The following NSD2 variants were observed in gnomAD, a reference collection of about 807,000 sequenced individuals.
NSD2 encodes the protein nuclear receptor binding SET domain protein 2, also known as histone-lysine N-methyltransferase NSD2.
NSD2 carries 12 observed loss-of-function variants against 139.0 expected under a neutral mutation model. The observed-to-expected ratio is 0.09, with a 90% CI of 0.06 to 0.14. The LOEUF (loss-of-function observed/expected upper bound fraction) is 0.14. Among genes scored for constraint, NSD2 ranks in the 10% least tolerant of loss-of-function variants. The pLI, the probability that NSD2 is intolerant of heterozygous loss-of-function variation, is 1.00. For synonymous variants in NSD2, 669 were observed against 648.7 expected (o/e 1.03, Z -0.48); for missense variants, 1,155 against 1,745.0 (o/e 0.66, Z 6.02).
In NSD2 at chr4:1,979,951, G is replaced by T. The variant is rs1216547413; in HGVS notation, c.*1042G>T. The stretch of plus-strand genomic sequence containing the variant: ...CTGCAGGCCCCGGGGACCCCAGCAC[G>T]TGGGTCTAAAGAGAGACGGAGTCTA... On this transcript the variant is annotated 3_prime_UTR_variant, in exon 22 of 22. Coordinates refer to ENST00000508803, the MANE Select transcript of NSD2 (RefSeq NM_001042424.3). 1.3e-5 allele frequency: 3 copies of T among 232,414 alleles called. No homozygotes were observed. The highest frequency in any genetic ancestry group is 6.1e-5 in the East Asian group (1 of 16,510). The allele number at this position is 232,414 out of a possible 1,614,324, so 14.4% of individuals were successfully genotyped here. A position where few individuals can be genotyped will look rare whatever the true frequency, so the allele number is the denominator to read the frequency against.
chr4:1,962,209 G>A (rs922496964), intron 18 of NSD2, among the ~76,000 whole-genome samples: 1 of 152,238 alleles, frequency 6.6e-6, no homozygotes, highest in African/African-American at 2.4e-5. Flanking sequence ...TGGGCTCTGT[G>A]TCAATCACAG....
chr4:1,920,738 AAAAAG>A (rs1720006925), intron 5 of NSD2, among the ~76,000 whole-genome samples: 1 of 151,930 alleles, frequency 6.6e-6, no homozygotes, highest in African/African-American at 2.4e-5. Context: ...TCTGTCTCAT[AAAAAG>A]AAAAGAAAGG....
intron 3 of NSD2, 96 bp downstream of exon 3, chr4:1,904,474 C>A: frequency 7.4e-7 from 1 of 1,353,800 alleles, no homozygotes; most frequent in Non-Finnish European, 1.0e-6. Flanking sequence ...AATAGCCCTG[C>A]TATGGTTCAT....
At chr4:1,975,145 T>C (rs933465180) in intron 19 of NSD2, 141 bp downstream of exon 19, 3 of 1,452,220 alleles carry the variant, frequency 2.1e-6, no homozygotes, top group African/African-American at 1.4e-5. Context: ...TGAATATCTC[T>C]TTTACCAAGC....
intron 18 of NSD2, 95 bp downstream of exon 18, chr4:1,961,246 A>G (rs1725336866): frequency 1.0e-6 from 1 of 957,806 alleles, no homozygotes; most frequent in Non-Finnish European, 1.6e-6. Context: ...TGGCAGCGCC[A>G]GCATTTGTCT....
At chr4:1,933,258 T>TA in intron 6 of NSD2, among the ~76,000 whole-genome samples, 1 of 152,100 alleles carries the variant, frequency 6.6e-6, no homozygotes, top group East Asian at 1.9e-4. Context: ...CACGGACACT[T>TA]ACTTGTACCT....
chr4:1,901,095 T>G lies in NSD2; in HGVS notation c.441T>G (p.Ser147Arg). 5 of 1,614,192 alleles carry G rather than the reference T, an allele frequency of 3.1e-6. No individual in the cohort carries two copies. Among genetic ancestry groups the G allele is most frequent in the Non-Finnish European group, 4.2e-6 (5 of 1,180,030 alleles). Residue 147 changes from serine (S) to arginine (R), a missense_variant, in exon 2 of 22, where the codon AGT becomes AGG. Ser to Arg is a moderately radical substitution (Grantham distance 110). This residue lies in a region of NSD2 where 246 missense variants were observed against 262.8 expected (regional missense o/e 0.94). Coordinates refer to ENST00000508803, the MANE Select transcript of NSD2 (RefSeq NM_001042424.3). ...TTGAATCTTCCATTTGTGGTGACAGTGCTGCTGATGTGTCTCAGTCAGAAG... is the reference window on the plus strand; with the variant it reads ...TTGAATCTTCCATTTGTGGTGACAGGGCTGCTGATGTGTCTCAGTCAGAAG... Reference protein sequence around the residue: ...PLFESSICGDSAADVSQSEEN... With the variant: ...PLFESSICGDRAADVSQSEEN...
Position 1,976,719 on chromosome 4 carries a change from T to C in NSD2, c.3826+40T>C. 6.5e-7 allele frequency: 1 copy of C among 1,534,108 alleles called. No homozygotes were observed. Among genetic ancestry groups the C allele is most frequent in the Non-Finnish European group, 8.8e-7 (1 of 1,137,812 alleles). Reference sequence around the variant, plus strand: ...TCGCGGTGGCTTGCAGCTGTGTCTGTGTGGCAGGCTCCTGATGGCGGCTGC... The same window carrying C: ...TCGCGGTGGCTTGCAGCTGTGTCTGCGTGGCAGGCTCCTGATGGCGGCTGC... On this transcript the variant is annotated intron_variant, in intron 21 of 21. Coordinates refer to ENST00000508803, the MANE Select transcript of NSD2 (RefSeq NM_001042424.3). This position sits in a 1 kb window ranked among gnomAD's most constrained non-coding sequence, Gnocchi z 5.3.
intron 5 of NSD2, among the ~76,000 whole-genome samples, chr4:1,921,327 C>T (rs751123157): frequency 1.3e-5 from 2 of 151,506 alleles, no homozygotes; most frequent in African/African-American, 2.4e-5. Flanking sequence ...GGCATGGTGG[C>T]GTGCGCCTGT....
At position 1,942,579 on chromosome 4, in the gene NSD2, T is replaced by G; in HGVS notation, c.1881+2801T>G. The G allele has an allele frequency of 7.4e-7, 1 of 1,349,066 alleles. No homozygotes were observed. The highest frequency in any genetic ancestry group is 9.5e-7 in the Non-Finnish European group (1 of 1,049,034). 83.6% of individuals were successfully genotyped at this position (1,349,066 alleles called of 1,614,324 possible). A position where few individuals can be genotyped will look rare whatever the true frequency, so the allele number is the denominator to read the frequency against. On this transcript the variant is annotated intron_variant, in intron 9 of 21. Coordinates refer to ENST00000508803, the MANE Select transcript of NSD2 (RefSeq NM_001042424.3). This position sits in a 1 kb window ranked among gnomAD's most constrained non-coding sequence, Gnocchi z 4.0. ...TTTAAGACCAAGGTAAGATAACTAA[T>G]CAAGGCCATTTAATCCGTCACATTC...
chr4:1,953,264 T>G (rs755613185), intron 11 of NSD2, 60 bp from the exon 12 acceptor site: 1 of 1,613,968 alleles, frequency 6.2e-7, no homozygotes, highest in Middle Eastern at 1.6e-4. Flanking sequence ...GGCTCAGAAC[T>G]GCAATTTAAT....
chr4:1,878,385 G>A (rs970686511), intron 1 of NSD2, among the ~76,000 whole-genome samples: 13 of 149,646 alleles, frequency 8.7e-5, no homozygotes, highest in African/African-American at 1.5e-4. Context: ...TCGGATTACA[G>A]GCGTAAGCCA....
chr4:1,872,155 C>T (rs1244616853), intron 1 of NSD2, among the ~76,000 whole-genome samples: 3 of 152,042 alleles, frequency 2.0e-5, no homozygotes, highest in Non-Finnish European at 2.9e-5. Context: ...GGACGCTCCC[C>T]CGGGAAGCCG....
chr4:1,905,259 G>A (rs1297044416), intron 3 of NSD2, among the ~76,000 whole-genome samples: 1 of 152,252 alleles, frequency 6.6e-6, no homozygotes, highest in Non-Finnish European at 1.5e-5. Flanking sequence ...TTCTTCTAGA[G>A]TGAAGTTGGA....
intron 1 of NSD2, among the ~76,000 whole-genome samples, chr4:1,890,150 C>T (rs1038097526): frequency 1.3e-5 from 2 of 152,122 alleles, no homozygotes; most frequent in African/African-American, 4.8e-5. Context: ...TAAATCAGGA[C>T]GTCATTTCTT....
chr4:1,948,571 G>C lies in NSD2; in HGVS notation c.1882-2501G>C, dbSNP rs539442427. On this transcript the variant is annotated intron_variant, in intron 9 of 21. Transcript: ENST00000508803. The surrounding 1 kb of genome is among the most constrained non-coding windows in gnomAD (Gnocchi z 4.5). ...CTGGGAGGGGGTGTGGTGGGAAAAA[G>C]TCGGAATCTCTGCAATCTGTGTCAT... is the stretch of plus-strand genomic sequence containing the variant. 7 of 1,064,276 alleles carry C rather than the reference G, an allele frequency of 6.6e-6. No homozygotes were observed. In the East Asian group the frequency reaches 3.5e-4, roughly 54 times the overall value. 65.9% of individuals were successfully genotyped at this position (1,064,276 alleles called of 1,614,324 possible).
Position 1,958,413 on chromosome 4 carries a change from T to C in NSD2, c.2985+377T>C, listed in dbSNP as rs765758911. Among the ~76,000 whole-genome samples the C allele has an allele frequency of 6.6e-6, 1 of 152,176 alleles. No individual in the cohort carries two copies. Among genetic ancestry groups the C allele is most frequent in the Non-Finnish European group, 1.5e-5 (1 of 68,010 alleles). On this transcript the variant is annotated intron_variant, in intron 16 of 21. Transcript: ENST00000508803. The surrounding 1 kb of genome is among the most constrained non-coding windows in gnomAD (Gnocchi z 4.6). ...AGTGACTGAGCCCCAAACACGTAGATCCTGTACCTCAGAGAGCAAGATGGC... is the reference window on the plus strand; with the variant it reads ...AGTGACTGAGCCCCAAACACGTAGACCCTGTACCTCAGAGAGCAAGATGGC...
rs1724696964 is a variant in NSD2 at position 1,955,338 on chromosome 4, A to T, written c.2516A>T (p.Lys839Ile). 6.2e-7 allele frequency: 1 copy of T among 1,611,312 alleles called. No individual in the cohort carries two copies. The highest frequency in any genetic ancestry group is 8.5e-7 in the Non-Finnish European group (1 of 1,178,594). Residue 839 changes from lysine to isoleucine, a missense_variant and splice_region_variant, in exon 13 of 22, where the codon AAA becomes ATA. Physicochemically the swap from Lys to Ile is moderately radical, Grantham distance 102. Transcript: ENST00000508803. The surrounding 1 kb of genome is among the most constrained non-coding windows in gnomAD (Gnocchi z 4.7). ...GTGAGCTGGTGCTTCGTGTGCTCCA[A>T]AGGTGAGGGGCCTGGGGGTGTCTGC... is the stretch of plus-strand genomic sequence containing the variant. ...VNVSWCFVCS[K>I]GGSLLCCESC...
chr4:1,977,541 C>T (rs543150672), intron 21 of NSD2, among the ~76,000 whole-genome samples: 69 of 152,168 alleles, frequency 4.5e-4, no homozygotes, highest in African/African-American at 1.7e-3. Flanking sequence ...TTTGGGAGGC[C>T]AAGGTGAGCA....
Sources: gnomAD v4.1 joint callset for allele counts (sites outside exome capture counted in the v4.1 genomes callset) on GRCh38, gnomAD v4.1.1 for gene constraint, gnomAD v4.1.1 regional missense constraint, Gnocchi (gnomAD v3.1) non-coding constraint, MANE v1.5 for transcripts, NCBI Gene and HGNC (gene_info 2026-07-23, HGNC 2026-07-21) for gene names.